Variants in RIC1 observed in about 807,000 individuals in gnomAD.
The protein encoded by RIC1 is guanine nucleotide exchange factor subunit RIC1.
A neutral mutation model predicts 169.0 loss-of-function variants in RIC1; 88 were observed. The observed-to-expected ratio is 0.52, with a 90% confidence interval of 0.44 to 0.62. The LOEUF (loss-of-function observed/expected upper bound fraction) is 0.62. RIC1 is among the 20% of genes least tolerant of loss of function. The pLI is 0.00. For missense variants in RIC1, 1,877 were observed against 1,725.5 expected (o/e 1.09, Z -1.56); for synonymous variants, 790 against 601.5 (o/e 1.31, Z -4.59).
At chr9:5,663,087 A>G (rs1191326741) in intron 2 of RIC1, among the ~76,000 whole-genome samples, 1 of 152,014 alleles carries the variant, frequency 6.6e-6, no homozygotes, top group Non-Finnish European at 1.5e-5. Context: ...TTCATTATTT[A>G]CTCAAGTCAC....
chr9:5,671,546 G>A (rs1029073205), intron 2 of RIC1, among the ~76,000 whole-genome samples: 1 of 152,152 alleles, frequency 6.6e-6, no homozygotes, highest in African/African-American at 2.4e-5. Context: ...GAAGTGTTGG[G>A]ATTATGGGCA....
chr9:5,765,331 T>G, intron 19 of RIC1, 83 bp from the exon 20 acceptor site: 2 of 1,443,682 alleles, frequency 1.4e-6, no homozygotes, highest in East Asian at 2.3e-5. Context: ...ATTCTTTGAG[T>G]TTAGAAAACG....
At chr9:5,645,071 TTATC>T (rs1302141560) in intron 1 of RIC1, among the ~76,000 whole-genome samples, 5 of 152,212 alleles carry the variant, frequency 3.3e-5, no homozygotes, top group Admixed American at 3.3e-4. Flanking sequence ...ATGTAGTTAA[TTATC>T]TATTCAAATC....
chr9:5,729,579 C>A (rs1824232428), intron 6 of RIC1, among the ~76,000 whole-genome samples: 1 of 152,030 alleles, frequency 6.6e-6, no homozygotes. Context: ...AACAAAAACT[C>A]TTTTCTCTTC....
At position 5,763,015 on chromosome 9, in the gene RIC1, C is replaced by A; in HGVS notation, c.2113-125C>A. The A allele has an allele frequency of 9.0e-7, 1 of 1,110,538 alleles. No homozygotes were observed. Among genetic ancestry groups the A allele is most frequent in the Non-Finnish European group, 1.3e-6 (1 of 795,482 alleles). The allele number at this position is 1,110,538 out of a possible 1,614,324, so 68.8% of individuals were successfully genotyped here. A position where few individuals can be genotyped will look rare whatever the true frequency, so the allele number is the denominator to read the frequency against. On this transcript the variant is annotated intron_variant, in intron 18 of 25. Coordinates refer to ENST00000414202, the MANE Select transcript of RIC1 (RefSeq NM_020829.4). The surrounding 1 kb of genome is among the most constrained non-coding windows in gnomAD (Gnocchi z 5.2). ...TTATTAACTCTAATTCTAATTAGAT[C>A]CCTTTGCTTTTCCCAAAAAAATATT...
chr9:5,674,680 C>T (rs1820336300), intron 2 of RIC1, among the ~76,000 whole-genome samples: 1 of 152,180 alleles, frequency 6.6e-6, no homozygotes, highest in East Asian at 1.9e-4. Flanking sequence ...TTAATGATGC[C>T]AGACGAATAC....
intron 2 of RIC1, among the ~76,000 whole-genome samples, chr9:5,673,934 T>G (rs60806621): frequency 1.3e-5 from 2 of 152,134 alleles, no homozygotes; most frequent in African/African-American, 4.8e-5. Context: ...TAAAACTGTA[T>G]GATAGCTTTA....
chr9:5,770,215 G>A lies in RIC1; in HGVS notation c.3553G>A (p.Asp1185Asn), dbSNP rs749128821. The A allele has an allele frequency of 1.2e-6, 2 of 1,614,000 alleles. No individual in the cohort carries two copies. Among genetic ancestry groups the A allele is most frequent in the Non-Finnish European group, 8.5e-7 (1 of 1,179,900 alleles). ...CATTGGCCCCACCCATCATGAGATA[G>A]ACACAGCTTCATCCCATGGACCACA... ...SNIGPTHHEI[D>N]TASSHGPQMQ... Residue 1185 changes from aspartate (D) to asparagine (N), a missense_variant, in exon 23 of 26, where the codon GAC becomes AAC. Coordinates refer to ENST00000414202, the MANE Select transcript of RIC1 (RefSeq NM_020829.4).
intron 2 of RIC1, among the ~76,000 whole-genome samples, chr9:5,666,126 A>G (rs886521122): frequency 5.3e-5 from 8 of 152,146 alleles, no homozygotes; most frequent in African/African-American, 1.4e-4. Flanking sequence ...GGGTGGCTCA[A>G]GACCCCAGCT....
At chr9:5,667,588 T>C (rs551376024) in intron 2 of RIC1, among the ~76,000 whole-genome samples, 1 of 151,878 alleles carries the variant, frequency 6.6e-6, no homozygotes, top group Non-Finnish European at 1.5e-5. Flanking sequence ...CACTGCAGTC[T>C]TGATTTCCTG....
intron 1 of RIC1, among the ~76,000 whole-genome samples, chr9:5,631,685 C>CAAAAAAAAA (rs34448140): frequency 1.5e-5 from 1 of 66,378 alleles, no homozygotes. Flanking sequence ...GACTCTGTCT[C>CAAAAAAAAA]AAAAAAAAAA....
At chr9:5,734,122 T>A (rs1417015021) in intron 7 of RIC1, among the ~76,000 whole-genome samples, 2 of 149,468 alleles carry the variant, frequency 1.3e-5, no homozygotes, top group Non-Finnish European at 3.0e-5. Flanking sequence ...TTTATTTTAT[T>A]TTTTGAGACA....
intron 2 of RIC1, among the ~76,000 whole-genome samples, chr9:5,682,701 G>T (rs1472404916): frequency 6.6e-6 from 1 of 152,032 alleles, no homozygotes; most frequent in East Asian, 1.9e-4. Flanking sequence ...TTTGAATGTT[G>T]GCCTGCCTTG....
chr9:5,729,094 A>G (rs901486460), intron 6 of RIC1, among the ~76,000 whole-genome samples: 7 of 152,010 alleles, frequency 4.6e-5, no homozygotes, highest in African/African-American at 1.7e-4. Context: ...GAGGATATAT[A>G]CTTGGCTACC....
intron 6 of RIC1, among the ~76,000 whole-genome samples, chr9:5,729,767 G>A (rs531123459): frequency 1.3e-5 from 2 of 151,548 alleles, no homozygotes; most frequent in South Asian, 2.1e-4. Flanking sequence ...AGATAGTAAG[G>A]TACTAAATAA....
chr9:5,639,271 C>T (rs111787417), intron 1 of RIC1, among the ~76,000 whole-genome samples: 8 of 152,134 alleles, frequency 5.3e-5, no homozygotes. Flanking sequence ...CTTTTGCTGT[C>T]TCCCATAACT....
intron 3 of RIC1, among the ~76,000 whole-genome samples, chr9:5,698,397 G>C (rs1335382294): frequency 6.6e-6 from 1 of 152,144 alleles, no homozygotes; most frequent in African/African-American, 2.4e-5. Context: ...CCATCCCATA[G>C]AAACATTTTA....
chr9:5,768,463 G>C (rs1826952965), intron 21 of RIC1, among the ~76,000 whole-genome samples: 1 of 152,156 alleles, frequency 6.6e-6, no homozygotes, highest in African/African-American at 2.4e-5. Flanking sequence ...AGGAGTTTGA[G>C]GTTGCAGTGA....
At chr9:5,723,592 G>C (rs1045750843) in intron 6 of RIC1, among the ~76,000 whole-genome samples, 1 of 152,126 alleles carries the variant, frequency 6.6e-6, no homozygotes, top group Admixed American at 6.5e-5. Context: ...TTTGGCTTTT[G>C]TTGCCATTGC....
Sources: gnomAD v4.1 joint callset for allele counts (sites outside exome capture counted in the v4.1 genomes callset) on GRCh38, gnomAD v4.1.1 for gene constraint, Gnocchi (gnomAD v3.1) non-coding constraint, MANE v1.5 for transcripts, NCBI Gene and HGNC (gene_info 2026-07-23, HGNC 2026-07-21) for gene names.